Variants in ATP10B observed in about 807,000 individuals in gnomAD.
ATP10B encodes the protein phospholipid-transporting ATPase VB.
In ATP10B, 122 loss-of-function variants were observed where a neutral mutation model predicts 141.2. That is an observed-to-expected ratio of 0.86 (90% confidence interval 0.75 to 1.00). The LOEUF is 1.00. Ranked by LOEUF, ATP10B falls within the 50% of genes least tolerant of loss-of-function variation. The pLI is 0.00. For synonymous variants in ATP10B, 685 were observed against 692.0 expected, an observed-to-expected ratio of 0.99 and a Z score of 0.16; for missense variants, 1,876 against 1,825.3, an observed-to-expected ratio of 1.03 and a Z score of -0.51.
intron 2 of ATP10B, among the ~76,000 whole-genome samples, chr5:160,730,363 CTCT>C (rs1766653080): frequency 6.6e-6 from 1 of 152,084 alleles, no homozygotes; most frequent in South Asian, 2.1e-4. Flanking sequence ...AACGATATTT[CTCT>C]TCTTCAGATG....
At chr5:160,761,665 C>A (rs1769054317) in intron 2 of ATP10B, among the ~76,000 whole-genome samples, 1 of 152,166 alleles carries the variant, frequency 6.6e-6, no homozygotes, top group African/African-American at 2.4e-5. Context: ...GGTAATATGA[C>A]AGAACAAGTT....
intron 22 of ATP10B, among the ~76,000 whole-genome samples, chr5:160,593,674 A>G (rs1413003092): frequency 1.3e-5 from 2 of 152,250 alleles, no homozygotes; most frequent in Non-Finnish European, 2.9e-5. Flanking sequence ...AAAAATTTAG[A>G]TGAATGTAGA....
chr5:160,654,178 T>C (rs1475089773), intron 7 of ATP10B, among the ~76,000 whole-genome samples: 1 of 151,550 alleles, frequency 6.6e-6, no homozygotes, highest in East Asian at 1.9e-4. Flanking sequence ...TTGCCTAGGA[T>C]GGTCTCAAAC....
Position 160,714,050 on chromosome 5 carries a change from T to A in ATP10B, c.-205+2859A>T, listed in dbSNP as rs1242423215. Among the ~76,000 whole-genome samples, 6 of 44,806 alleles carry A rather than the reference T, an allele frequency of 1.3e-4. No homozygotes were observed. The East Asian group carries it at 7.0e-3, about 52-fold the overall frequency. The allele number at this position is 44,806 out of a possible 152,430, so 29.4% of individuals were successfully genotyped here. A position where few individuals can be genotyped will look rare whatever the true frequency, so the allele number is the denominator to read the frequency against. On this transcript the variant is annotated intron_variant, in intron 3 of 25. Transcript: ENST00000327245. Reference sequence around the variant, plus strand: ...TTTCTCTCTGGCTGCCCTTAACATTTTTTCCTTCATTTCAACTTTGGTGAA... The same window carrying A: ...TTTCTCTCTGGCTGCCCTTAACATTATTTCCTTCATTTCAACTTTGGTGAA...
At chr5:160,698,308 C>A (rs1764486557) in intron 3 of ATP10B, among the ~76,000 whole-genome samples, 1 of 151,954 alleles carries the variant, frequency 6.6e-6, no homozygotes, top group African/African-American at 2.4e-5. Flanking sequence ...AAGTTTTATC[C>A]ATTTTTTCCC....
At chr5:160,616,089 T>C in intron 16 of ATP10B, 125 bp from the exon 17 acceptor site, 5 of 1,025,514 alleles carry the variant, frequency 4.9e-6, no homozygotes, top group Non-Finnish European at 6.6e-6. Flanking sequence ...AGATGGGGCT[T>C]TCTTCTCAAA....
At chr5:160,874,750 G>T in the ATP10B span, among the ~76,000 whole-genome samples, 1 of 151,936 alleles carries the variant, frequency 6.6e-6, no homozygotes, top group Non-Finnish European at 1.5e-5. Flanking sequence ...GAAGCCTCAG[G>T]AGCCGATGCG....
chr5:160,573,893 C>T (rs1380559133), intron 24 of ATP10B, among the ~76,000 whole-genome samples: 1 of 152,034 alleles, frequency 6.6e-6, no homozygotes, highest in Non-Finnish European at 1.5e-5. Flanking sequence ...TATTTAGGCC[C>T]CCTTTTGGCT....
At chr5:160,678,347 G>C (rs1043716922) in intron 6 of ATP10B, among the ~76,000 whole-genome samples, 3 of 152,050 alleles carry the variant, frequency 2.0e-5, no homozygotes, top group African/African-American at 7.2e-5. Flanking sequence ...GGTTAAGCTT[G>C]AGATGATTGG....
intron 3 of ATP10B, among the ~76,000 whole-genome samples, chr5:160,714,880 G>A (rs1054676441): frequency 2.0e-5 from 3 of 146,934 alleles, no homozygotes; most frequent in African/African-American, 7.8e-5. Flanking sequence ...TGCCGTGTGA[G>A]GTGTCAGTGT....
chr5:160,816,259 ACT>A (rs1773615608), intron 1 of ATP10B, among the ~76,000 whole-genome samples: 1 of 130,220 alleles, frequency 7.7e-6, no homozygotes, highest in Non-Finnish European at 1.8e-5. Flanking sequence ...TGCTAGCAAG[ACT>A]AATAAAGAAG....
At chr5:160,925,282 G>A in the ATP10B span, among the ~76,000 whole-genome samples, 303 of 152,330 alleles carry the variant, frequency 2.0e-3, 1 homozygote, top group African/African-American at 7.0e-3. Context: ...TCATAAAAGA[G>A]TTGAGGGAAA....
chr5:160,679,936 A>T (rs1306212836), intron 6 of ATP10B, among the ~76,000 whole-genome samples: 3 of 152,172 alleles, frequency 2.0e-5, no homozygotes, highest in Non-Finnish European at 2.9e-5. Flanking sequence ...GCCCTGGGAG[A>T]AGCTAAACTA....
In ATP10B at chr5:160,615,981, G is replaced by T. The variant is rs913664234; in HGVS notation, c.2527-17C>A. On this transcript the variant is annotated splice_polypyrimidine_tract_variant and intron_variant, in intron 16 of 25. Transcript: ENST00000327245. ...GCTTACAACCTATGGGATGGGAAAA[G>T]GCTCCTTAACAATCTTGGGTGGACC... The T allele has an allele frequency of 3.1e-6, 5 of 1,607,578 alleles. No homozygotes were observed. The highest frequency in any genetic ancestry group is 3.3e-5 in the Admixed American group (2 of 59,858).
At chr5:160,581,168 T>C (rs1561622650) in intron 24 of ATP10B, among the ~76,000 whole-genome samples, 1 of 152,204 alleles carries the variant, frequency 6.6e-6, no homozygotes, top group East Asian at 1.9e-4. Flanking sequence ...GCTCTGATCT[T>C]AGTTATTTCT....
At chr5:160,648,038 T>C (rs1760418975) in intron 8 of ATP10B, among the ~76,000 whole-genome samples, 1 of 152,158 alleles carries the variant, frequency 6.6e-6, no homozygotes, top group Admixed American at 6.5e-5. Flanking sequence ...GAAAGCACAC[T>C]GGGGTTGGAG....
Position 160,646,225 on chromosome 5 carries a change from C to T in ATP10B, c.762-1981G>A, listed in dbSNP as rs547881415. ...CTACCTTAGGGTACCTAAAGTACTA[C>T]CCCACTCACCCACACTAAATCAGAG... On this transcript the variant is annotated intron_variant, in intron 8 of 25. Transcript: ENST00000327245. 3.3e-5 allele frequency among the ~76,000 whole-genome samples: 5 copies of T among 152,236 alleles called. No homozygotes were observed. The East Asian group carries it at 7.7e-4, about 24-fold the overall frequency.
chr5:160,820,074 A>C (rs919239149), intron 1 of ATP10B, among the ~76,000 whole-genome samples: 1 of 152,048 alleles, frequency 6.6e-6, no homozygotes, highest in Non-Finnish European at 1.5e-5. Context: ...CAGTACAAAA[A>C]TCAACAAAAC....
chr5:160,812,297 T>C (rs1442802562), intron 1 of ATP10B, among the ~76,000 whole-genome samples: 2 of 152,026 alleles, frequency 1.3e-5, no homozygotes, highest in African/African-American at 2.4e-5. Flanking sequence ...GGAGGATGGG[T>C]AGAAACAAGC....
Sources: allele counts gnomAD v4.1 joint callset (sites outside exome capture counted in the v4.1 genomes callset), GRCh38; gene constraint gnomAD v4.1.1; transcripts MANE v1.5; gene names NCBI Gene and HGNC (gene_info 2026-07-23, HGNC 2026-07-21).